HAUS8: variants seen among roughly 807,000 people sequenced by gnomAD.
HAUS8 encodes HAUS augmin like complex subunit 8, also known as HAUS augmin-like complex subunit 8.
Under a neutral mutation model 42.9 loss-of-function variants are expected in HAUS8, and 38 were observed. The ratio of observed to expected loss-of-function variants is 0.89; its 90% confidence interval spans 0.68 to 1.16. HAUS8 has a LOEUF of 1.16. Among genes scored for constraint, HAUS8 ranks in the 50% most tolerant of loss-of-function variants. The pLI is 0.00. For missense variants in HAUS8, 494 were observed against 511.6 expected (o/e 0.97, Z 0.33); for synonymous variants, 199 against 205.8 (o/e 0.97, Z 0.28).
intron 3 of HAUS8, among the ~76,000 whole-genome samples, chr19:17,067,480 T>C (rs1197337146): frequency 6.6e-6 from 1 of 152,116 alleles, no homozygotes; most frequent in Non-Finnish European, 1.5e-5. Flanking sequence ...TGACTGTCTA[T>C]GTCTGTCAAA....
chr19:17,067,411 A>G (rs1044994123), intron 3 of HAUS8, among the ~76,000 whole-genome samples: 1 of 152,154 alleles, frequency 6.6e-6, no homozygotes, highest in Non-Finnish European at 1.5e-5. Context: ...TGGTCCTATC[A>G]GAGCACAAGG....
At chr19:17,070,883 A>AACATGGAG (rs1199724758) in intron 2 of HAUS8, among the ~76,000 whole-genome samples, 1 of 152,150 alleles carries the variant, frequency 6.6e-6, no homozygotes, top group East Asian at 1.9e-4. Flanking sequence ...CAGCCTGGCC[A>AACATGGAG]ACATGGAGAA....
intron 2 of HAUS8, among the ~76,000 whole-genome samples, chr19:17,069,989 A>G (rs2057411577): frequency 6.6e-6 from 1 of 151,562 alleles, no homozygotes; most frequent in African/African-American, 2.4e-5. Context: ...TCACTTCCAA[A>G]AGGAAATGCC....
At chr19:17,059,958 C>T in intron 5 of HAUS8, 39 bp downstream of exon 5, 8 of 1,442,574 alleles carry the variant, frequency 5.5e-6, no homozygotes, top group Non-Finnish European at 7.8e-6. Flanking sequence ...CTACTGCAAC[C>T]CCCAGTGAGT....
chr19:17,074,970 T>A (rs2057458630), intron 1 of HAUS8: 1 of 192,624 alleles, frequency 5.2e-6, no homozygotes, highest in South Asian at 9.7e-5. Context: ...GTGGGAGGAT[T>A]AAAGGGGACA....
chr19:17,055,925 G>T lies in HAUS8; in HGVS notation c.723C>A (p.Asp241Glu), dbSNP rs1473864095. ...TCACGGGCAGCTCGTGCCTGGTAGT[G>T]TCCAGGGCCGTGGCGAATGTCCTGT... ...EQYRTFATAL[D>E]TTRHELPVRS... Residue 241 changes from aspartate (D) to glutamate (E), a missense_variant, in exon 9 of 11, where the codon GAC (aspartate) becomes GAA (glutamate). Physicochemically the swap from Asp to Glu is conservative, Grantham distance 45. Coordinates refer to ENST00000253669, the MANE Select transcript of HAUS8 (RefSeq NM_033417.2). The T allele has an allele frequency of 3.7e-6, 6 of 1,614,144 alleles. No homozygotes were observed. The highest frequency in any genetic ancestry group is 5.1e-6 in the Non-Finnish European group (6 of 1,179,948).
chr19:17,052,849 GC>G lies in HAUS8; in HGVS notation c.904del (p.Ala302ArgfsTer128). 1 of 1,613,966 alleles carries G rather than the reference GC, an allele frequency of 6.2e-7. No homozygotes were observed. Among genetic ancestry groups the G allele is most frequent in the Non-Finnish European group, 8.5e-7 (1 of 1,179,980 alleles). On this transcript the variant is annotated frameshift_variant, in exon 10 of 11. Coordinates refer to ENST00000253669, the MANE Select transcript of HAUS8 (RefSeq NM_033417.2). LOFTEE classifies it low-confidence loss of function (END_TRUNC). ...DLLSELKDVT[A>X]KKDLELRRSF... ...CCTTCGGAGCTCAAGGTCCTTTTTC[GC>G]CGTCACGTCCTTGAGTTCGCTCAGT...
intron 8 of HAUS8, among the ~76,000 whole-genome samples, chr19:17,056,596 C>T (rs573692168): frequency 1.9e-4 from 29 of 152,066 alleles, no homozygotes; most frequent in African/African-American, 6.7e-4. Flanking sequence ...CACACATACA[C>T]ATATATATTT....
At chr19:17,074,524 C>T (rs1420620538) in intron 1 of HAUS8, 1 of 152,374 alleles carries the variant, frequency 6.6e-6, no homozygotes, top group Admixed American at 6.5e-5. Context: ...TTACATAGGT[C>T]ACCCCCGGGG....
intron 1 of HAUS8, 98 bp from the exon 2 acceptor site, chr19:17,073,433 G>C: frequency 9.2e-7 from 1 of 1,086,084 alleles, no homozygotes; most frequent in Admixed American, 1.7e-5. Context: ...AGACAGCCCA[G>C]TCCAAGGGCT....
chr19:17,070,184 G>A (rs1401745199), intron 2 of HAUS8, among the ~76,000 whole-genome samples: 4 of 138,564 alleles, frequency 2.9e-5, no homozygotes, highest in African/African-American at 5.5e-5. Context: ...CTTGAATCCC[G>A]CCCCCCACAA....
At chr19:17,066,689 T>C (rs899831253) in intron 3 of HAUS8, among the ~76,000 whole-genome samples, 2 of 152,174 alleles carry the variant, frequency 1.3e-5, no homozygotes, top group African/African-American at 4.8e-5. Context: ...GTGTTGACTG[T>C]TGTTGAGTGG....
chr19:17,060,225 TAAAAA>T (rs35562523), intron 4 of HAUS8, 133 bp from the exon 5 acceptor site: 3,561 of 277,290 alleles, frequency 0.013, no homozygotes, highest in Middle Eastern at 0.019. Context: ...GTGGAAAGGC[TAAAAA>T]AAAAAAAAAA....
In HAUS8 at chr19:17,052,888, T is replaced by A; in HGVS notation, c.866A>T (p.Gln289Leu). 6.2e-7 allele frequency: 1 copy of A among 1,614,184 alleles called. No homozygotes were observed. Among genetic ancestry groups the A allele is most frequent in the Non-Finnish European group, 8.5e-7 (1 of 1,180,010 alleles). Residue 289 changes from glutamine (Q) to leucine (L), a missense_variant, in exon 10 of 11, where the codon CAG (glutamine) becomes CTG (leucine). Coordinates refer to ENST00000253669, the MANE Select transcript of HAUS8 (RefSeq NM_033417.2). ...GAGTTCGCTCAGTAAGTCCAGCACC[T>A]GCACATTTTCTTCCGAATCACCAAC... is the stretch of plus-strand genomic sequence containing the variant. The part of the protein sequence containing the change: ...LDVGDSEENV[Q>L]VLDLLSELKD...
chr19:17,060,189 C>A, intron 4 of HAUS8, 97 bp from the exon 5 acceptor site: 1 of 586,788 alleles, frequency 1.7e-6, no homozygotes, highest in Non-Finnish European at 2.9e-6. Context: ...ATACCACTTG[C>A]TTCTAAAAGC....
At chr19:17,064,600 G>A (rs1392913856) in intron 3 of HAUS8, among the ~76,000 whole-genome samples, 1 of 152,176 alleles carries the variant, frequency 6.6e-6, no homozygotes, top group Non-Finnish European at 1.5e-5. Flanking sequence ...CAGAGATGAT[G>A]AGAGAATACA....
rs376092108 is a variant in HAUS8 at position 17,058,779 on chromosome 19, C to G, written c.486+32G>C. 7 of 1,609,974 alleles carry G rather than the reference C, an allele frequency of 4.3e-6. No individual in the cohort carries two copies. In the African/African-American group the frequency reaches 9.4e-5, roughly 22 times the overall value. On this transcript the variant is annotated intron_variant, in intron 7 of 10. Coordinates refer to ENST00000253669, the MANE Select transcript of HAUS8 (RefSeq NM_033417.2). The stretch of plus-strand genomic sequence containing the variant: ...CGTGAATGGAGGCCACCCTTCCATC[C>G]ATGGCATACGTGAACAAGAAACTGT...
At chr19:17,061,086 C>CCCT (rs1235453619) in intron 4 of HAUS8, among the ~76,000 whole-genome samples, 3 of 151,984 alleles carry the variant, frequency 2.0e-5, no homozygotes, top group Non-Finnish European at 2.9e-5. Context: ...AGAGCACATG[C>CCCT]CCTCAGGGCA....
At position 17,050,013 on chromosome 19, in the gene HAUS8, G is replaced by T. The variant is rs1160496049; in HGVS notation, c.1093C>A (p.Pro365Thr). ...CCCGGGTTGTCGTCCTCAGACAGGG[G>T]CGTGTTCTTGGGTGCTCCCCCAGAT... ...RESGGAPKNT[P>T]LSEDDNPGAS... The change falls in exon 11 of 11, where the codon CCC (proline) becomes ACC (threonine). Residue 365 changes from proline (P) to threonine (T), a missense_variant. Physicochemically the swap from Pro to Thr is conservative, Grantham distance 38. Transcript: ENST00000253669. 1 of 1,608,714 alleles carries T rather than the reference G, an allele frequency of 6.2e-7. No individual in the cohort carries two copies. Among genetic ancestry groups the T allele is most frequent in the Non-Finnish European group, 8.5e-7 (1 of 1,178,026 alleles).
Sources: allele counts gnomAD v4.1 joint callset (sites outside exome capture counted in the v4.1 genomes callset), GRCh38; gene constraint gnomAD v4.1.1; transcripts MANE v1.5; gene names NCBI Gene and HGNC (gene_info 2026-07-23, HGNC 2026-07-21).